RAB27B: variants seen among roughly 807,000 people sequenced by gnomAD.
RAB27B encodes RAB27B, member RAS oncogene family.
In RAB27B, 15 loss-of-function variants were observed where a neutral mutation model predicts 24.6. That is an observed-to-expected ratio of 0.61 (90% CI 0.41 to 0.94). The LOEUF (loss-of-function observed/expected upper bound fraction) is 0.94, where lower values mean the gene tolerates loss of function less well. Ranked by LOEUF, RAB27B falls within the 40% of genes least tolerant of loss-of-function variation. RAB27B has a pLI of 0.00. For synonymous variants in RAB27B, 105 were observed against 92.5 expected (o/e 1.14, Z -0.78); for missense variants, 261 against 266.8 (o/e 0.98, Z 0.15).
chr18:54,797,997 G>A (rs1786006849), intron 2 of RAB27B, among the ~76,000 whole-genome samples: 2 of 151,986 alleles, frequency 1.3e-5, no homozygotes, highest in Admixed American at 6.6e-5. Flanking sequence ...TAATTGATTC[G>A]GATAAGTTGA....
In RAB27B at chr18:54,830,346, A is replaced by C. The variant is rs1910626140; in HGVS notation, c.-20+1646A>C. Among the ~76,000 whole-genome samples the C allele has an allele frequency of 2.0e-5, 3 of 151,930 alleles. No individual in the cohort carries two copies. The South Asian group carries it at 6.2e-4, about 32-fold the overall frequency. The stretch of plus-strand genomic sequence containing the variant: ...AGAAACCTGCTCTTTTCCCACCCTC[A>C]CTCCTGCAAATTTTTGGTTAGGTTT... On this transcript the variant is annotated intron_variant, in intron 1 of 5. Coordinates refer to ENST00000262094, the MANE Select transcript of RAB27B (RefSeq NM_004163.4).
chr18:54,827,250 TACCA>T (rs1409603444), upstream of RAB27B, among the ~76,000 whole-genome samples: 21 of 152,236 alleles, frequency 1.4e-4, no homozygotes, highest in African/African-American at 4.8e-4. Flanking sequence ...AATAGATTGT[TACCA>T]AAATTATAAG....
At chr18:54,852,950 C>T (rs1240100046) in intron 1 of RAB27B, among the ~76,000 whole-genome samples, 6 of 152,122 alleles carry the variant, frequency 3.9e-5, no homozygotes, top group East Asian at 1.9e-4. Context: ...GTTTCTGCAG[C>T]GGAGAACGCA....
At chr18:54,768,051 G>A (rs1270199041) in intron 2 of RAB27B, among the ~76,000 whole-genome samples, 1 of 152,176 alleles carries the variant, frequency 6.6e-6, no homozygotes, top group African/African-American at 2.4e-5. Flanking sequence ...TTACAGTACT[G>A]TCTAGTAGGG....
At position 54,856,729 on chromosome 18, in the gene RAB27B, C is replaced by T. The variant is rs148278405; in HGVS notation, c.-19-20838C>T. On this transcript the variant is annotated intron_variant, in intron 1 of 5. Transcript: ENST00000262094. ...TCTTGCTGGAGAGAGAGCTGTGGAG[C>T]CTTTTAGGATGTTTCATGTAATCTT... 6.2e-4 allele frequency among the ~76,000 whole-genome samples: 95 copies of T among 152,254 alleles called. 1 individual carries two copies. Among genetic ancestry groups the T allele is most frequent in the Middle Eastern group, 6.8e-3 (2 of 294 alleles).
chr18:54,855,986 G>A (rs1384330398), intron 1 of RAB27B, among the ~76,000 whole-genome samples: 1 of 152,210 alleles, frequency 6.6e-6, no homozygotes, highest in African/African-American at 2.4e-5. Context: ...CTTATTTTGA[G>A]CTAGACCCTA....
rs182997885 is a variant in RAB27B at position 54,739,388 on chromosome 18, G to A, written c.-20+21247G>A. ...TAAGAATTGCTTGAACCTGGTAGGC[G>A]GAGGTTACAGTGAGCTGAGATCCTG... On this transcript the variant is annotated intron_variant, in intron 2 of 4. Coordinates refer to the RAB27B transcript ENST00000586570. Among the ~76,000 whole-genome samples, 114 of 150,858 alleles carry A rather than the reference G, an allele frequency of 7.6e-4. 1 individual carries two copies. The Middle Eastern group carries it at 0.01, about 14-fold the overall frequency.
At chr18:54,753,313 T>C (rs1200579119) in intron 2 of RAB27B, among the ~76,000 whole-genome samples, 2 of 152,194 alleles carry the variant, frequency 1.3e-5, no homozygotes, top group Admixed American at 1.3e-4. Context: ...CAGCAGCATA[T>C]TCATGGACCA....
intron 2 of RAB27B, among the ~76,000 whole-genome samples, chr18:54,790,340 A>G (rs1909210484): frequency 6.6e-6 from 1 of 152,160 alleles, no homozygotes. Context: ...ACATTTTTCA[A>G]AATGAATGAG....
At chr18:54,873,732 T>A (rs1055549021) in intron 1 of RAB27B, among the ~76,000 whole-genome samples, 3 of 147,532 alleles carry the variant, frequency 2.0e-5, no homozygotes, top group Admixed American at 6.8e-5. Flanking sequence ...TGTGTGTGAG[T>A]GTGTTGACAG....
intron 2 of RAB27B, among the ~76,000 whole-genome samples, chr18:54,734,387 G>T (rs1406946683): frequency 6.6e-6 from 1 of 152,102 alleles, no homozygotes; most frequent in Non-Finnish European, 1.5e-5. Context: ...TGTCTTTTGT[G>T]CCAGACACCA....
chr18:54,728,375 C>G (rs1022860912), intron 2 of RAB27B, among the ~76,000 whole-genome samples: 8 of 152,162 alleles, frequency 5.3e-5, no homozygotes, highest in Non-Finnish European at 1.2e-4. Context: ...CTCTTGCCCC[C>G]CTCAGCTAGA....
chr18:54,889,107 T>G lies in RAB27B; in HGVS notation c.468-117T>G. 3 of 1,006,638 alleles carry G rather than the reference T, an allele frequency of 3.0e-6. No individual in the cohort carries two copies. In the South Asian group the frequency reaches 7.0e-5, roughly 24 times the overall value. 62.4% of individuals were successfully genotyped at this position (1,006,638 alleles called of 1,614,324 possible). On this transcript the variant is annotated intron_variant, in intron 5 of 5. Coordinates refer to ENST00000262094, the MANE Select transcript of RAB27B (RefSeq NM_004163.4). The stretch of plus-strand genomic sequence containing the variant: ...CTTTCCAACTTAGCCAGCAAAACCA[T>G]AATCATTTCACAATCTCTCAGCCAG...
intron 1 of RAB27B, among the ~76,000 whole-genome samples, chr18:54,839,881 G>C (rs1488237999): frequency 2.0e-5 from 3 of 152,172 alleles, no homozygotes; most frequent in African/African-American, 7.2e-5. Flanking sequence ...GTTTCCAGAA[G>C]TACATTTACA....
At chr18:54,820,668 G>GT (rs1910279722) in intron 2 of RAB27B, among the ~76,000 whole-genome samples, 1 of 152,108 alleles carries the variant, frequency 6.6e-6, no homozygotes, top group African/African-American at 2.4e-5. Flanking sequence ...TGCTTTTGGT[G>GT]TTTTAGACAT....
intron 2 of RAB27B, among the ~76,000 whole-genome samples, chr18:54,810,360 G>A (rs2145147855): frequency 6.6e-6 from 1 of 152,252 alleles, no homozygotes; most frequent in East Asian, 1.9e-4. Flanking sequence ...CAAAGTATGT[G>A]TCAGGTATGC....
intron 4 of RAB27B, among the ~76,000 whole-genome samples, chr18:54,887,473 T>C (rs1913192687): frequency 6.6e-6 from 1 of 152,126 alleles, no homozygotes. Flanking sequence ...GTATGTGTAT[T>C]ATGTATTATT....
intron 2 of RAB27B, among the ~76,000 whole-genome samples, chr18:54,734,937 A>G (rs1177861378): frequency 1.3e-5 from 2 of 152,188 alleles, no homozygotes; most frequent in South Asian, 4.1e-4. Context: ...ATAAATGTAC[A>G]TATGTGAATA....
At position 54,833,066 on chromosome 18, in the gene RAB27B, G is replaced by T. The variant is rs1208896446; in HGVS notation, c.-20+4366G>T. On this transcript the variant is annotated intron_variant, in intron 1 of 5. Transcript: ENST00000262094. ...ATATAATTAGAAATACTTAACGAAGGTGTTGTCTGAGCTGTGAGCATAGTT... is the reference window on the plus strand; with the variant it reads ...ATATAATTAGAAATACTTAACGAAGTTGTTGTCTGAGCTGTGAGCATAGTT... Among the ~76,000 whole-genome samples the T allele has an allele frequency of 2.0e-5, 3 of 152,092 alleles. No homozygotes were observed. In the East Asian group the frequency reaches 5.8e-4, roughly 29 times the overall value.
Sources: allele counts gnomAD v4.1 joint callset (sites outside exome capture counted in the v4.1 genomes callset), GRCh38; gene constraint gnomAD v4.1.1; transcripts MANE v1.5; gene names NCBI Gene and HGNC (gene_info 2026-07-23, HGNC 2026-07-21).